Variants in TOX2 observed in about 807,000 individuals in gnomAD.
TOX2 encodes TOX high mobility group box family member 2.
Under a neutral mutation model 47.4 loss-of-function variants are expected in TOX2, and 15 were observed. That is an observed-to-expected ratio of 0.32 (90% confidence interval 0.21 to 0.49). The LOEUF (loss-of-function observed/expected upper bound fraction) is 0.49. TOX2 is among the 20% of genes least tolerant of loss of function. TOX2 has a pLI of 0.99. For synonymous variants in TOX2, 290 were observed against 296.6 expected, an observed-to-expected ratio of 0.98 and a Z score of 0.23; for missense variants, 622 against 673.1, an observed-to-expected ratio of 0.92 and a Z score of 0.84.
chr20:43,966,312 T>G (rs1377857053), intron 1 of TOX2, among the ~76,000 whole-genome samples: 1 of 152,150 alleles, frequency 6.6e-6, no homozygotes, highest in Non-Finnish European at 1.5e-5. Flanking sequence ...AAGCTTTTGG[T>G]TAGGTCCAAG....
intron 4 of TOX2, 83 bp from the exon 5 acceptor site, chr20:44,054,216 A>C (rs1392697229): frequency 2.1e-6 from 3 of 1,423,126 alleles, no homozygotes. Flanking sequence ...GGAGAAGTGC[A>C]GCTCGGCCCA....
intron 3 of TOX2, among the ~76,000 whole-genome samples, chr20:44,031,942 T>C (rs1413135777): frequency 6.6e-6 from 1 of 152,180 alleles, no homozygotes; most frequent in East Asian, 1.9e-4. Flanking sequence ...TCTTTGCCCA[T>C]GTGCAATTTA....
At chr20:44,053,556 A>G (rs2071562582) in intron 4 of TOX2, among the ~76,000 whole-genome samples, 1 of 145,022 alleles carries the variant, frequency 6.9e-6, no homozygotes, top group African/African-American at 2.5e-5. Context: ...ATATACATAT[A>G]TACTATATAT....
intron 2 of TOX2, 126 bp from the exon 3 acceptor site, chr20:44,006,421 A>G (rs1373779458): frequency 2.6e-5 from 38 of 1,443,514 alleles, no homozygotes; most frequent in Non-Finnish European, 3.4e-5. Flanking sequence ...TTGCAGAAAC[A>G]TCATCCCTTC....
At chr20:43,972,174 ATTGGGGGCC>A (rs2069984397) in intron 1 of TOX2, among the ~76,000 whole-genome samples, 1 of 152,142 alleles carries the variant, frequency 6.6e-6, no homozygotes, top group Non-Finnish European at 1.5e-5. Context: ...TGCTTGGTCA[ATTGGGGGCC>A]ACCTTGCTCA....
chr20:43,947,756 C>T (rs2069496879), intron 1 of TOX2, among the ~76,000 whole-genome samples: 1 of 152,200 alleles, frequency 6.6e-6, no homozygotes, highest in Non-Finnish European at 1.5e-5. Context: ...TACTGAATAC[C>T]ACTCATCAGC....
chr20:43,916,250 C>G lies in TOX2; in HGVS notation c.99+1260C>G. The G allele has an allele frequency of 1.0e-6, 1 of 983,444 alleles. No homozygotes were observed. 60.9% of individuals were successfully genotyped at this position (983,444 alleles called of 1,614,324 possible). A position where few individuals can be genotyped will look rare whatever the true frequency, so the allele number is the denominator to read the frequency against. On this transcript the variant is annotated intron_variant, in intron 1 of 8. Transcript: ENST00000341197. The surrounding 1 kb of genome is among the most constrained non-coding windows in gnomAD (Gnocchi z 5.0). Reference sequence around the variant, plus strand: ...TGGCTGGATCGGCGCCCCCCAGGGTCTCTCCCCAACCTCGCAGGCTTTTCG... The same window carrying G: ...TGGCTGGATCGGCGCCCCCCAGGGTGTCTCCCCAACCTCGCAGGCTTTTCG...
At position 44,065,704 on chromosome 20, in the gene TOX2, C is replaced by T. The variant is rs2071801541; in HGVS notation, c.961-8C>T. On this transcript the variant is annotated splice_polypyrimidine_tract_variant and splice_region_variant and intron_variant, in intron 6 of 8. Coordinates refer to ENST00000341197, the MANE Select transcript of TOX2 (RefSeq NM_001098797.2). The stretch of plus-strand genomic sequence containing the variant: ...GTTCTCCAGTGACTGATATCTGTCT[C>T]CTTCCAGAGCTCCCCAGATCAAGGT... 6.4e-7 allele frequency: 1 copy of T among 1,567,282 alleles called. No individual in the cohort carries two copies. The highest frequency in any genetic ancestry group is 8.7e-7 in the Non-Finnish European group (1 of 1,149,790).
intron 2 of TOX2, among the ~76,000 whole-genome samples, chr20:43,982,352 G>T (rs577707866): frequency 6.6e-6 from 1 of 152,310 alleles, no homozygotes; most frequent in East Asian, 1.9e-4. Context: ...TCCAGGGCAA[G>T]AGATCTGCCA....
chr20:44,029,993 C>A (rs982824900), intron 3 of TOX2, among the ~76,000 whole-genome samples: 1 of 152,134 alleles, frequency 6.6e-6, no homozygotes, highest in African/African-American at 2.4e-5. Context: ...CCCTTTTGCA[C>A]CCTCCTTTAT....
intron 3 of TOX2, among the ~76,000 whole-genome samples, chr20:44,014,870 G>A (rs1441491089): frequency 6.6e-6 from 1 of 152,150 alleles, no homozygotes; most frequent in East Asian, 1.9e-4. Context: ...GGCCCCAGCT[G>A]GGGGACAGGC....
rs2069215750 is a variant in TOX2 at position 43,928,993 on chromosome 20, A to AC, written c.99+14003_99+14004insC. Among the ~76,000 whole-genome samples, 4 of 150,714 alleles carry AC rather than the reference A, an allele frequency of 2.7e-5. No homozygotes were observed. The South Asian group carries it at 6.3e-4, about 24-fold the overall frequency. On this transcript the variant is annotated intron_variant, in intron 1 of 8. Coordinates refer to ENST00000341197, the MANE Select transcript of TOX2 (RefSeq NM_001098797.2). ...CTACTAAAAATATGAAAAAAAAAAA[A>AC]AAAAAACAACAACAAAAAAACTGGG...
intron 3 of TOX2, among the ~76,000 whole-genome samples, chr20:44,017,644 A>G (rs184475335): frequency 6.6e-6 from 1 of 152,300 alleles, no homozygotes; most frequent in African/African-American, 2.4e-5. Flanking sequence ...ATTATTTATA[A>G]CTGTCATGTA....
intron 1 of TOX2, among the ~76,000 whole-genome samples, chr20:43,934,276 G>A (rs1486054862): frequency 1.3e-5 from 2 of 152,090 alleles, no homozygotes; most frequent in Non-Finnish European, 2.9e-5. Flanking sequence ...AAGCATAGGA[G>A]GAGAACATAG....
intron 1 of TOX2, among the ~76,000 whole-genome samples, chr20:43,924,538 A>T (rs2069144172): frequency 6.6e-6 from 1 of 152,164 alleles, no homozygotes; most frequent in African/African-American, 2.4e-5. Context: ...TTTGGGCTGG[A>T]GTCCTGTCTA....
intron 2 of TOX2, among the ~76,000 whole-genome samples, chr20:43,987,368 G>T (rs933310553): frequency 6.6e-6 from 1 of 152,216 alleles, no homozygotes; most frequent in Admixed American, 6.5e-5. Flanking sequence ...CTAGAGGGGG[G>T]TGGGGAGTGA....
intron 3 of TOX2, among the ~76,000 whole-genome samples, chr20:44,024,898 C>T (rs2071035837): frequency 1.3e-5 from 2 of 152,118 alleles, no homozygotes; most frequent in Non-Finnish European, 2.9e-5. Context: ...GATGCCTTTT[C>T]CTGTACTTTC....
chr20:44,013,550 G>A (rs1016535958), intron 3 of TOX2, among the ~76,000 whole-genome samples: 1 of 152,166 alleles, frequency 6.6e-6, no homozygotes, highest in Non-Finnish European at 1.5e-5. Flanking sequence ...TAACATTTTT[G>A]GTTTGGTCTT....
At chr20:44,034,765 A>G (rs1005561907) in intron 3 of TOX2, among the ~76,000 whole-genome samples, 1 of 152,172 alleles carries the variant, frequency 6.6e-6, no homozygotes, top group Non-Finnish European at 1.5e-5. Flanking sequence ...TTCTCACATC[A>G]TTGATCCAAG....
Sources: gnomAD v4.1 joint callset for allele counts (sites outside exome capture counted in the v4.1 genomes callset) on GRCh38, gnomAD v4.1.1 for gene constraint, Gnocchi (gnomAD v3.1) non-coding constraint, MANE v1.5 for transcripts, NCBI Gene and HGNC (gene_info 2026-07-23, HGNC 2026-07-21) for gene names.